The following PACS1 variants were observed in gnomAD, a reference collection of about 807,000 sequenced individuals.
PACS1 encodes phosphofurin acidic cluster sorting protein 1, also known as PACS-1.
PACS1 carries 24 observed loss-of-function variants against 115.0 expected under a neutral mutation model. The observed-to-expected ratio is 0.21, with a 90% CI of 0.15 to 0.29. The LOEUF (loss-of-function observed/expected upper bound fraction) is 0.29. Ranked by LOEUF, PACS1 falls within the 10% of genes least tolerant of loss-of-function variation. PACS1 has a pLI of 1.00. For missense variants in PACS1, 838 were observed against 1,251.2 expected (o/e 0.67, Z 4.98); for synonymous variants, 453 against 504.5 (o/e 0.90, Z 1.37).
At chr11:66,241,793 A>G (rs1855820312) in intron 22 of PACS1, 140 bp downstream of exon 22, 1 of 661,730 alleles carries the variant, frequency 1.5e-6, no homozygotes, top group South Asian at 1.9e-5. Context: ...CAGAGGGGGC[A>G]GTCCCACCTC....
chr11:66,145,969 A>C (rs1859112728), intron 1 of PACS1, among the ~76,000 whole-genome samples: 1 of 152,258 alleles, frequency 6.6e-6, no homozygotes, highest in South Asian at 2.1e-4. Context: ...TTGTAGATTT[A>C]GTCAGGGCAA....
At chr11:66,125,774 T>C (rs1858556608) in intron 1 of PACS1, among the ~76,000 whole-genome samples, 1 of 152,152 alleles carries the variant, frequency 6.6e-6, no homozygotes, top group Non-Finnish European at 1.5e-5. Context: ...GCATGGTGGC[T>C]CATGCCTGTA....
intron 1 of PACS1, among the ~76,000 whole-genome samples, chr11:66,108,116 C>G (rs1379430644): frequency 6.6e-6 from 1 of 152,164 alleles, no homozygotes; most frequent in African/African-American, 2.4e-5. Context: ...TAACAAAATA[C>G]CATAGAATGA....
intron 1 of PACS1, among the ~76,000 whole-genome samples, chr11:66,074,320 C>G (rs1051295484): frequency 4.6e-5 from 7 of 152,230 alleles, no homozygotes; most frequent in African/African-American, 1.4e-4. Context: ...CTAAGTAGTA[C>G]TTCCTCTACT....
At chr11:66,240,677 G>A (rs899261464) in intron 21 of PACS1, among the ~76,000 whole-genome samples, 15 of 151,926 alleles carry the variant, frequency 9.9e-5, no homozygotes, top group African/African-American at 3.6e-4. Context: ...TCCTGGAGGC[G>A]TTTTCTCTCA....
chr11:66,213,058 G>T (rs995905207), intron 4 of PACS1, among the ~76,000 whole-genome samples: 1 of 152,080 alleles, frequency 6.6e-6, no homozygotes, highest in African/African-American at 2.4e-5. Context: ...TCACCATGTT[G>T]TCTGGGCTGG....
chr11:66,168,555 C>G (rs1450029403), intron 1 of PACS1, among the ~76,000 whole-genome samples: 1 of 150,308 alleles, frequency 6.7e-6, no homozygotes, highest in Middle Eastern at 3.2e-3. Context: ...TTTCAATCCT[C>G]ACCTAGCTGC....
At chr11:66,213,014 T>G (rs908118710) in intron 4 of PACS1, among the ~76,000 whole-genome samples, 2 of 152,138 alleles carry the variant, frequency 1.3e-5, no homozygotes, top group African/African-American at 4.8e-5. Context: ...CATGCCCGGC[T>G]AATTTTTTTT....
chr11:66,236,427 A>T lies in PACS1; in HGVS notation c.2250+487A>T, dbSNP rs1161264602. Among the ~76,000 whole-genome samples, 2 of 152,240 alleles carry T rather than the reference A, an allele frequency of 1.3e-5. No individual in the cohort carries two copies. The highest frequency in any genetic ancestry group is 3.8e-4 in the East Asian group (2 of 5,200). On this transcript the variant is annotated intron_variant, in intron 19 of 23. Coordinates refer to ENST00000320580, the MANE Select transcript of PACS1 (RefSeq NM_018026.4). The surrounding 1 kb of genome is among the most constrained non-coding windows in gnomAD (Gnocchi z 4.2). ...AGTAGTGGAAGGCAGCATTCAGAAA[A>T]GTCTGAAAACAGATACTTCTGTCTT...
At chr11:66,084,517 G>T (rs1857535646) in intron 1 of PACS1, among the ~76,000 whole-genome samples, 1 of 151,856 alleles carries the variant, frequency 6.6e-6, no homozygotes, top group African/African-American at 2.4e-5. Flanking sequence ...TGGAAGCAGG[G>T]AGTCCGGTCA....
chr11:66,147,740 G>A (rs903947440), intron 1 of PACS1, among the ~76,000 whole-genome samples: 1 of 152,046 alleles, frequency 6.6e-6, no homozygotes, highest in Non-Finnish European at 1.5e-5. Flanking sequence ...AGGGAAGTGG[G>A]TTAGTTAATT....
At chr11:66,211,996 G>A (rs1039365045) in intron 4 of PACS1, among the ~76,000 whole-genome samples, 3 of 152,140 alleles carry the variant, frequency 2.0e-5, no homozygotes, top group African/African-American at 7.2e-5. Flanking sequence ...TTCGCCTGAT[G>A]TTGCCTCAAG....
At chr11:66,099,511 A>G (rs1439937396) in intron 1 of PACS1, among the ~76,000 whole-genome samples, 1 of 152,048 alleles carries the variant, frequency 6.6e-6, no homozygotes, top group African/African-American at 2.4e-5. Flanking sequence ...GGCATAAGCC[A>G]CCGTGCCCAG....
intron 1 of PACS1, among the ~76,000 whole-genome samples, chr11:66,074,603 A>G (rs1857362796): frequency 6.6e-6 from 1 of 152,208 alleles, no homozygotes; most frequent in African/African-American, 2.4e-5. Context: ...TTCGCAAACC[A>G]TATCCAAAGC....
intron 2 of PACS1, 40 bp downstream of exon 2, chr11:66,193,613 C>G (rs1013855504): frequency 2.4e-5 from 35 of 1,466,508 alleles, no homozygotes; most frequent in Non-Finnish European, 3.2e-5. Context: ...CCCAGGGAAG[C>G]TGGATAACCA....
At position 66,078,886 on chromosome 11, in the gene PACS1, C is replaced by T. The variant is rs142354341; in HGVS notation, c.356+8044C>T. Among the ~76,000 whole-genome samples, 10 of 152,240 alleles carry T rather than the reference C, an allele frequency of 6.6e-5. No homozygotes were observed. The East Asian group carries it at 7.7e-4, about 12-fold the overall frequency. ...GTTATTGTGCTGAGATATAGGAAGG[C>T]GTTTTTTCTTTTCAGCTGTTTTCTT... On this transcript the variant is annotated intron_variant, in intron 1 of 23. Transcript: ENST00000320580.
At chr11:66,145,070 G>A (rs1162075462) in intron 1 of PACS1, among the ~76,000 whole-genome samples, 1 of 152,218 alleles carries the variant, frequency 6.6e-6, no homozygotes, top group Admixed American at 6.5e-5. Flanking sequence ...TAGTTACAGT[G>A]AGGAAGTCAA....
rs908332134 is a variant in PACS1 at position 66,070,726 on chromosome 11, G to T, written c.240G>T (p.Val80=). Residue 80 remains valine, a synonymous_variant, in exon 1 of 24, where the codon GTG becomes GTT. Transcript: ENST00000320580. This position sits in a 1 kb window ranked among gnomAD's most constrained non-coding sequence, Gnocchi z 5.9. ...SSTSTSMAVA[V]ASGSAPPGGP... is the part of the protein sequence containing the mutation. ...CCTCCACCTCCATGGCCGTGGCGGT[G>T]GCCTCGGGCTCCGCGCCTCCCGGTG... 2 of 1,569,910 alleles carry T rather than the reference G, an allele frequency of 1.3e-6. No individual in the cohort carries two copies. The highest frequency in any genetic ancestry group is 3.5e-5 in the Admixed American group (2 of 57,124).
intron 1 of PACS1, among the ~76,000 whole-genome samples, chr11:66,165,392 G>C (rs1156772327): frequency 6.6e-6 from 1 of 152,032 alleles, no homozygotes; most frequent in African/African-American, 2.4e-5. Context: ...TTTTCTACCT[G>C]AACTCTCCTC....
Sources: allele counts gnomAD v4.1 joint callset (sites outside exome capture counted in the v4.1 genomes callset), GRCh38; gene constraint gnomAD v4.1.1; non-coding constraint Gnocchi (gnomAD v3.1); transcripts MANE v1.5; gene names NCBI Gene and HGNC (gene_info 2026-07-23, HGNC 2026-07-21).